Variants in GRID2 observed in about 807,000 individuals in gnomAD.
GRID2 encodes the protein glutamate receptor ionotropic, delta-2.
GRID2 carries 33 observed loss-of-function variants against 114.8 expected under a neutral mutation model. The observed-to-expected ratio is 0.29, with a 90% CI of 0.22 to 0.38. The LOEUF (loss-of-function observed/expected upper bound fraction) is 0.38. GRID2 is among the 10% of genes least tolerant of loss of function. GRID2 has a pLI of 1.00. For missense variants in GRID2, 1,184 were observed against 1,257.7 expected, an observed-to-expected ratio of 0.94 and a Z score of 0.89; for synonymous variants, 505 against 449.9, an observed-to-expected ratio of 1.12 and a Z score of -1.55.
chr4:92,750,763 TCAA>T (rs1325374834), intron 2 of GRID2, among the ~76,000 whole-genome samples: 1 of 152,208 alleles, frequency 6.6e-6, no homozygotes, highest in African/African-American at 2.4e-5. Flanking sequence ...TCTCAGTACT[TCAA>T]CAGTGTTGCA....
At chr4:93,175,321 C>T (rs1304791574) in intron 4 of GRID2, among the ~76,000 whole-genome samples, 1 of 152,084 alleles carries the variant, frequency 6.6e-6, no homozygotes, top group Admixed American at 6.6e-5. Flanking sequence ...GAGGCATGTA[C>T]CACCATGCCC....
chr4:92,964,147 T>A (rs1752988696), intron 2 of GRID2, among the ~76,000 whole-genome samples: 1 of 151,936 alleles, frequency 6.6e-6, no homozygotes, highest in Non-Finnish European at 1.5e-5. Context: ...AGCTCTAGGA[T>A]TTTTGGAAAA....
chr4:92,795,355 T>A lies in GRID2; in HGVS notation c.244+205069T>A, dbSNP rs149283406. 9.6e-3 allele frequency among the ~76,000 whole-genome samples: 1,466 copies of A among 152,000 alleles called. 8 individuals carry two copies. Among genetic ancestry groups the A allele is most frequent in the Non-Finnish European group, 0.015 (1,006 of 67,912 alleles). ...GTTTATCAGGGGTTTCTGCTTTTGC[T>A]TCTTCCTCATTTTCTGTTGCCACCA... On this transcript the variant is annotated intron_variant, in intron 2 of 15. Transcript: ENST00000282020.
chr4:92,335,283 A>G (rs765759183), intron 1 of GRID2, among the ~76,000 whole-genome samples: 27 of 152,192 alleles, frequency 1.8e-4, no homozygotes, highest in Non-Finnish European at 4.0e-4. Flanking sequence ...CAATCCTTTT[A>G]GACACTTGCT....
intron 2 of GRID2, among the ~76,000 whole-genome samples, chr4:92,871,011 A>G (rs1459774489): frequency 6.6e-6 from 1 of 152,108 alleles, no homozygotes; most frequent in African/African-American, 2.4e-5. Flanking sequence ...TTTCATTAAG[A>G]TGGATGGATA....
rs185272629 is a variant in GRID2, at chr4:92,603,138, T to G, written c.244+12852T>G. ...TGGCCATACTGCTCAAAGCAATGTATAGATTCAATGCTATTCCCATTAAAC... is the reference window on the plus strand; with the variant it reads ...TGGCCATACTGCTCAAAGCAATGTAGAGATTCAATGCTATTCCCATTAAAC... On this transcript the variant is annotated intron_variant, in intron 2 of 15. Transcript: ENST00000282020. Among the ~76,000 whole-genome samples the G allele has an allele frequency of 1.4e-3, 208 of 152,234 alleles. 3 individuals carry two copies. Among genetic ancestry groups the G allele is most frequent in the Non-Finnish European group, 5.7e-4 (39 of 68,008 alleles).
At position 92,595,164 on chromosome 4, in the gene GRID2, A is replaced by G. The variant is rs549887183; in HGVS notation, c.244+4878A>G. Among the ~76,000 whole-genome samples, 4 of 152,172 alleles carry G rather than the reference A, an allele frequency of 2.6e-5. No individual in the cohort carries two copies. The South Asian group carries it at 6.2e-4, about 24-fold the overall frequency. Reference sequence around the variant, plus strand: ...ATCGTGAATATAAGGGCAACATTATACTATAAAGTCACAAATGATTCTGTT... The same window carrying G: ...ATCGTGAATATAAGGGCAACATTATGCTATAAAGTCACAAATGATTCTGTT... On this transcript the variant is annotated intron_variant, in intron 2 of 15. Transcript: ENST00000282020.
intron 2 of GRID2, among the ~76,000 whole-genome samples, chr4:92,817,184 A>G (rs1740970216): frequency 2.6e-5 from 4 of 151,862 alleles, no homozygotes; most frequent in Admixed American, 2.6e-4. Context: ...CCTCATATTC[A>G]CCCTTAAAAT....
intron 1 of GRID2, among the ~76,000 whole-genome samples, chr4:92,485,438 A>G (rs1413028558): frequency 6.7e-6 from 1 of 149,280 alleles, no homozygotes; most frequent in African/African-American, 2.5e-5. Flanking sequence ...GGTGACTCAC[A>G]CCTGTAATCC....
intron 2 of GRID2, among the ~76,000 whole-genome samples, chr4:93,014,567 C>T (rs1430622069): frequency 6.6e-6 from 1 of 151,990 alleles, no homozygotes; most frequent in African/African-American, 2.4e-5. Flanking sequence ...ATTTTTGTTT[C>T]AGAAAGGTCA....
intron 1 of GRID2, among the ~76,000 whole-genome samples, chr4:92,531,723 A>G (rs531175771): frequency 1.3e-5 from 2 of 152,272 alleles, no homozygotes; most frequent in South Asian, 4.1e-4. Context: ...GAGACATTTA[A>G]GAGGGTTTTT....
At position 93,798,120 on chromosome 4, in the gene GRID2, T is replaced by A. The variant is rs116467121; in HGVS notation, c.222-8595T>A. Among the ~76,000 whole-genome samples the A allele has an allele frequency of 3.7e-3, 567 of 152,004 alleles. 1 individual carries two copies. Among genetic ancestry groups the A allele is most frequent in the Middle Eastern group, 0.024 (7 of 294 alleles). ...GTGAGCCGAGATCGCACCATCGCAA[T>A]CCAGCCTGGGCGACAGGAGTGAAAT... On this transcript the variant is annotated intron_variant, in intron 1 of 1. Transcript: ENST00000637838.
rs1305254779 is a variant in GRID2 at position 92,622,986 on chromosome 4, T to A, written c.244+32700T>A. On this transcript the variant is annotated intron_variant, in intron 2 of 15. Coordinates refer to ENST00000282020, the MANE Select transcript of GRID2 (RefSeq NM_001510.4). Reference sequence around the variant, plus strand: ...AGCTTCTGTGTCTTCCAAAAACATTTTGTTAGTTTAAATAAGGTTCATCAC... The same window carrying A: ...AGCTTCTGTGTCTTCCAAAAACATTATGTTAGTTTAAATAAGGTTCATCAC... Among the ~76,000 whole-genome samples, 3 of 151,632 alleles carry A rather than the reference T, an allele frequency of 2.0e-5. No individual in the cohort carries two copies. In the South Asian group the frequency reaches 6.2e-4, roughly 31 times the overall value.
chr4:93,357,610 C>A (rs965219779), intron 8 of GRID2, among the ~76,000 whole-genome samples: 2 of 151,206 alleles, frequency 1.3e-5, no homozygotes, highest in African/African-American at 4.8e-5. Context: ...CATTATTTTG[C>A]AGCAATATAG....
At chr4:92,873,957 A>G (rs1578361026) in intron 2 of GRID2, among the ~76,000 whole-genome samples, 1 of 151,986 alleles carries the variant, frequency 6.6e-6, no homozygotes, top group South Asian at 2.1e-4. Flanking sequence ...CAGGTGATCC[A>G]CCTGCCTCGG....
intron 12 of GRID2, 21 bp from the exon 13 acceptor site, chr4:93,515,195 T>A: frequency 7.7e-7 from 1 of 1,306,178 alleles, no homozygotes; most frequent in Non-Finnish European, 1.1e-6. Context: ...CTTGTGTCTC[T>A]CTTCTCTCCC....
chr4:93,156,416 C>A (rs1030572231), intron 4 of GRID2, among the ~76,000 whole-genome samples: 4 of 151,446 alleles, frequency 2.6e-5, no homozygotes, highest in African/African-American at 9.7e-5. Flanking sequence ...ATTGGAGGGG[C>A]ATAATAGTAG....
At chr4:92,414,055 G>T (rs1467728866) in intron 1 of GRID2, among the ~76,000 whole-genome samples, 1 of 152,170 alleles carries the variant, frequency 6.6e-6, no homozygotes, top group Non-Finnish European at 1.5e-5. Context: ...GTAAGTAGAA[G>T]TTGCAGCTTT....
intron 2 of GRID2, among the ~76,000 whole-genome samples, chr4:92,951,621 C>A (rs1441201385): frequency 1.3e-5 from 2 of 152,014 alleles, no homozygotes; most frequent in African/African-American, 4.8e-5. Flanking sequence ...GGCCACTGTG[C>A]CCATCCAAAT....
Sources: allele counts gnomAD v4.1 joint callset (sites outside exome capture counted in the v4.1 genomes callset), GRCh38; gene constraint gnomAD v4.1.1; transcripts MANE v1.5; gene names NCBI Gene and HGNC (gene_info 2026-07-23, HGNC 2026-07-21).